DNAH17: variants seen among roughly 807,000 people sequenced by gnomAD.
DNAH17 encodes axonemal beta dynein heavy chain 17.
Under a neutral mutation model 485.6 loss-of-function variants are expected in DNAH17, and 376 were observed. The observed-to-expected ratio is 0.77, with a 90% CI of 0.71 to 0.84. DNAH17 has a LOEUF of 0.84. Ranked by LOEUF, DNAH17 falls within the 40% of genes least tolerant of loss-of-function variation. DNAH17 has a pLI of 0.00. For synonymous variants in DNAH17, 3,031 were observed against 2,405.9 expected, an observed-to-expected ratio of 1.26 and a Z score of -7.60; for missense variants, 6,370 against 5,839.3, an observed-to-expected ratio of 1.09 and a Z score of -2.96.
In DNAH17 at chr17:78,570,368, G is replaced by C; in HGVS notation, c.923C>G (p.Pro308Arg). The C allele has an allele frequency of 1.2e-6, 2 of 1,609,952 alleles. No individual in the cohort carries two copies. Among genetic ancestry groups the C allele is most frequent in the Non-Finnish European group, 1.7e-6 (2 of 1,178,680 alleles). ...EMEQADFTML[P>R]TFIAKVLDTI... ...GTCCAGCACCTTGGCAATGAAGGTG[G>C]GGAGCTGGGGGGAGACAGGCCCAGG... Residue 308 changes from proline to arginine, a missense_variant, in exon 7 of 81, where the codon CCC becomes CGC. Pro to Arg is a moderately radical substitution (Grantham distance 103). Coordinates refer to ENST00000389840, the MANE Select transcript of DNAH17 (RefSeq NM_173628.4).
chr17:78,521,918 A>T (rs2143202492), intron 25 of DNAH17, among the ~76,000 whole-genome samples: 1 of 152,206 alleles, frequency 6.6e-6, no homozygotes, highest in South Asian at 2.1e-4. Flanking sequence ...CCCAGGAGAC[A>T]GAGGTTGCAG....
intron 11 of DNAH17, among the ~76,000 whole-genome samples, chr17:78,564,293 G>A (rs2092222362): frequency 6.6e-6 from 1 of 152,176 alleles, no homozygotes; most frequent in Admixed American, 6.5e-5. Flanking sequence ...GATGCAGGTG[G>A]CACAATCTCC....
chr17:78,469,736 G>A (rs1003391563), intron 54 of DNAH17, among the ~76,000 whole-genome samples: 9 of 152,222 alleles, frequency 5.9e-5, no homozygotes, highest in Non-Finnish European at 1.0e-4. Flanking sequence ...ATATGATTTG[G>A]TCTTAAAAAG....
chr17:78,466,569 G>C (rs532006636), intron 56 of DNAH17, 86 bp downstream of exon 56: 1 of 1,368,956 alleles, frequency 7.3e-7, no homozygotes, highest in Non-Finnish European at 9.6e-7. Context: ...TAATCCCAGC[G>C]CCCTTTTCTC....
chr17:78,459,566 G>A (rs1233488138), intron 60 of DNAH17, among the ~76,000 whole-genome samples: 1 of 152,206 alleles, frequency 6.6e-6, no homozygotes, highest in African/African-American at 2.4e-5. Context: ...GCTGACCTCT[G>A]TGGGGCCTGG....
intron 48 of DNAH17, among the ~76,000 whole-genome samples, chr17:78,482,479 G>A (rs540045214): frequency 5.9e-5 from 9 of 152,014 alleles, no homozygotes; most frequent in South Asian, 4.1e-4. Flanking sequence ...CATTATATAT[G>A]TCCATGGTGT....
rs752889891 is a variant in DNAH17, at chr17:78,484,860, C to T, written c.7649+8G>A. The T allele has an allele frequency of 3.8e-5, 58 of 1,545,306 alleles. No individual in the cohort carries two copies. The highest frequency in any genetic ancestry group is 4.7e-5 in the Non-Finnish European group (54 of 1,144,744). ...CACGCCTTCCCCTCCGGCCCCGCCC[C>T]GTCTAACCAGTGCCGGTGGTCCATG... On this transcript the variant is annotated splice_region_variant and intron_variant, in intron 48 of 80. Coordinates refer to ENST00000389840, the MANE Select transcript of DNAH17 (RefSeq NM_173628.4).
rs1186467256 is a variant in DNAH17 at position 78,500,426 on chromosome 17, A to T, written c.5519T>A (p.Ile1840Asn). 1.9e-6 allele frequency: 3 copies of T among 1,607,782 alleles called. No individual in the cohort carries two copies. The highest frequency in any genetic ancestry group is 2.5e-6 in the Non-Finnish European group (3 of 1,178,086). The change falls in exon 36 of 81, where the codon ATC becomes AAC. Residue 1840 changes from isoleucine (I) to asparagine (N), a missense_variant. Coordinates refer to ENST00000389840, the MANE Select transcript of DNAH17 (RefSeq NM_173628.4). ...YITLTQSLHL[I>N]MGGAPAGPAG... ...GGGGCCGGCAGGGGCTCCACCCATG[A>T]TGAGATGGAGGGACTGGGTCAGGGT...
At chr17:78,547,403 G>T (rs1195286883) in intron 16 of DNAH17, among the ~76,000 whole-genome samples, 1 of 152,178 alleles carries the variant, frequency 6.6e-6, no homozygotes, top group African/African-American at 2.4e-5. Context: ...AAGGCTGCCT[G>T]ATTTTTGTTT....
rs946735670 is a variant in DNAH17 at position 78,428,637 on chromosome 17, G to C, written c.12476C>G (p.Ala4159Gly). The part of the protein sequence containing the change: ...SPYLYGLHPN[A>G]EIGFLTVTSE... Reference sequence around the variant, plus strand: ...GGTGACCGTCAGAAAGCCAATCTCTGCGTTGGGGTGCAGGCCATACAGATA... The same window carrying C: ...GGTGACCGTCAGAAAGCCAATCTCTCCGTTGGGGTGCAGGCCATACAGATA... Residue 4159 changes from alanine to glycine, a missense_variant, in exon 77 of 81, where the codon GCA becomes GGA. By Grantham distance (60) the Ala-to-Gly change is moderately conservative. Transcript: ENST00000389840. 1.9e-6 allele frequency: 3 copies of C among 1,613,986 alleles called. No individual in the cohort carries two copies. Among genetic ancestry groups the C allele is most frequent in the South Asian group, 1.1e-5 (1 of 91,084 alleles).
Position 78,459,881 on chromosome 17 carries a change from C to A in DNAH17, c.9556G>T (p.Ala3186Ser), listed in dbSNP as rs768900061. 9 of 1,613,940 alleles carry A rather than the reference C, an allele frequency of 5.6e-6. No individual in the cohort carries two copies. Among genetic ancestry groups the A allele is most frequent in the Non-Finnish European group, 7.6e-6 (9 of 1,179,910 alleles). Residue 3186 changes from alanine to serine, a missense_variant, in exon 60 of 81, where the codon GCG becomes TCG. Coordinates refer to ENST00000389840, the MANE Select transcript of DNAH17 (RefSeq NM_173628.4). The part of the protein sequence containing the change: ...GKIPKDKSWK[A>S]AKIMMGKVDT... Reference sequence around the variant, plus strand: ...ACCTTGCCCATCATGATCTTGGCCGCCTTCCAGCTCTTGTCCTTGGGGATC... The same window carrying A: ...ACCTTGCCCATCATGATCTTGGCCGACTTCCAGCTCTTGTCCTTGGGGATC...
chr17:78,475,606 G>C (rs949442515), intron 53 of DNAH17, 63 bp downstream of exon 53: 36 of 1,603,382 alleles, frequency 2.2e-5, no homozygotes, highest in Non-Finnish European at 3.0e-5. Flanking sequence ...TGTCGATAAT[G>C]CAACCGGAGA....
intron 69 of DNAH17, among the ~76,000 whole-genome samples, chr17:78,448,209 A>G (rs2087395469): frequency 6.6e-6 from 1 of 151,978 alleles, no homozygotes; most frequent in Admixed American, 6.6e-5. Context: ...ACAGAAAAAA[A>G]AAAAAATTAG....
intron 66 of DNAH17, among the ~76,000 whole-genome samples, chr17:78,451,075 G>C (rs548752232): frequency 6.6e-6 from 1 of 152,256 alleles, no homozygotes; most frequent in Non-Finnish European, 1.5e-5. Context: ...GGGGCAGAAC[G>C]GGGACAGGCG....
rs758118800 is a variant in DNAH17, at chr17:78,492,714, C to T, written c.6460G>A (p.Ala2154Thr). ...ACGGCCTTGGGGTCCAGGTCCACGG[C>T]GACCGGCTTCCTCTTCAGGTTCTGA... ...TYQNLKRKPV[A>T]VDLDPKAVTC... Residue 2154 changes from alanine to threonine, a missense_variant, in exon 42 of 81, where the codon GCC (alanine) becomes ACC (threonine). By Grantham distance (58) the Ala-to-Thr change is moderately conservative. Coordinates refer to ENST00000389840, the MANE Select transcript of DNAH17 (RefSeq NM_173628.4). 37 of 1,612,914 alleles carry T rather than the reference C, an allele frequency of 2.3e-5. No homozygotes were observed. The highest frequency in any genetic ancestry group is 1.7e-4 in the Admixed American group (10 of 59,910).
intron 3 of DNAH17, 117 bp downstream of exon 3, chr17:78,572,584 A>G (rs1478322557): frequency 2.0e-6 from 2 of 978,422 alleles, no homozygotes; most frequent in Non-Finnish European, 2.9e-6. Context: ...TTAACATGTG[A>G]AGCCACTCTG....
chr17:78,571,095 G>A (rs2092350969), intron 5 of DNAH17, 62 bp from the exon 6 acceptor site: 2 of 1,467,478 alleles, frequency 1.4e-6, no homozygotes, highest in Admixed American at 3.9e-5. Context: ...GAAACGATGA[G>A]GGTGCGGCTC....
intron 51 of DNAH17, 117 bp downstream of exon 51, chr17:78,478,908 A>G (rs2089227566): frequency 2.6e-6 from 2 of 763,966 alleles, no homozygotes; most frequent in Non-Finnish European, 4.3e-6. Flanking sequence ...CATTATCATT[A>G]CCACCATCAC....
At chr17:78,464,374 C>T (rs568205924) in intron 56 of DNAH17, among the ~76,000 whole-genome samples, 49 of 152,330 alleles carry the variant, frequency 3.2e-4, no homozygotes, top group South Asian at 2.3e-3. Context: ...ATTCTCCTGC[C>T]TTAGCCTCTG....
Sources: allele counts gnomAD v4.1 joint callset (sites outside exome capture counted in the v4.1 genomes callset), GRCh38; gene constraint gnomAD v4.1.1; transcripts MANE v1.5; gene names NCBI Gene and HGNC (gene_info 2026-07-23, HGNC 2026-07-21).